The following NEK10 variants were observed in gnomAD, a reference collection of about 807,000 sequenced individuals.
NEK10 encodes NIMA related kinase 10, also known as serine/threonine-protein kinase Nek10.
A neutral mutation model predicts 159.8 loss-of-function variants in NEK10; 122 were observed. That is an observed-to-expected ratio of 0.76 (90% CI 0.66 to 0.89). NEK10 has a LOEUF of 0.89. NEK10 is among the 40% of genes least tolerant of loss of function. NEK10 has a pLI of 0.00. For missense variants in NEK10, 1,342 were observed against 1,323.1 expected (o/e 1.01, Z -0.22); for synonymous variants, 466 against 457.1 (o/e 1.02, Z -0.25).
At chr3:27,140,123 G>A (rs1394224364) in intron 31 of NEK10, among the ~76,000 whole-genome samples, 1 of 152,160 alleles carries the variant, frequency 6.6e-6, no homozygotes. Context: ...GTTGACTAGG[G>A]TGTTCCTGGA....
chr3:27,232,811 A>G (rs1445394444), intron 23 of NEK10, among the ~76,000 whole-genome samples: 1 of 152,094 alleles, frequency 6.6e-6, no homozygotes, highest in Non-Finnish European at 1.5e-5. Flanking sequence ...AAATTGGGGG[A>G]AAGGATACAC....
At chr3:27,215,535 G>A (rs7652855) in intron 23 of NEK10, 288,073 of 456,274 alleles carry the variant, frequency 0.63, 95,776 homozygotes, top group African/African-American at 0.93. Flanking sequence ...TATTTACTCA[G>A]ATGAGTTTTG....
chr3:27,237,542 G>A (rs540277559), intron 23 of NEK10, among the ~76,000 whole-genome samples: 8 of 148,140 alleles, frequency 5.4e-5, no homozygotes, highest in Admixed American at 1.3e-4. Flanking sequence ...CCCTCCGTTC[G>A]GGGTCCCTGA....
chr3:27,130,103 T>C (rs1942438367), intron 32 of NEK10, among the ~76,000 whole-genome samples: 1 of 152,060 alleles, frequency 6.6e-6, no homozygotes, highest in African/African-American at 2.4e-5. Flanking sequence ...CTGTTGATCA[T>C]GAGCCCTAAA....
chr3:27,318,080 G>A (rs995081207), intron 6 of NEK10, among the ~76,000 whole-genome samples: 9 of 152,220 alleles, frequency 5.9e-5, no homozygotes, highest in African/African-American at 2.2e-4. Flanking sequence ...TGGGAGTACA[G>A]GCGTGAGCCA....
At chr3:27,335,568 T>A (rs1383183801) in intron 5 of NEK10, among the ~76,000 whole-genome samples, 1 of 152,136 alleles carries the variant, frequency 6.6e-6, no homozygotes, top group African/African-American at 2.4e-5. Flanking sequence ...ATACAGTTCT[T>A]CTCCTCAGTA....
intron 22 of NEK10, among the ~76,000 whole-genome samples, chr3:27,269,654 AG>A (rs2041180733): frequency 6.6e-6 from 1 of 152,176 alleles, no homozygotes; most frequent in African/African-American, 2.4e-5. Context: ...AAAACCAAAA[AG>A]TTTATATGAC....
intron 23 of NEK10, chr3:27,252,212 C>G (rs764048719): frequency 4.0e-6 from 2 of 504,770 alleles, no homozygotes; most frequent in South Asian, 2.9e-5. Flanking sequence ...AACATAAGGT[C>G]AGGTAGAGGC....
At chr3:27,159,744 T>C (rs1228852078) in intron 30 of NEK10, among the ~76,000 whole-genome samples, 2 of 151,910 alleles carry the variant, frequency 1.3e-5, no homozygotes, top group Non-Finnish European at 2.9e-5. Context: ...AATAGTTTCA[T>C]TGTTATTTGT....
intron 29 of NEK10, among the ~76,000 whole-genome samples, chr3:27,163,599 G>T (rs1946222819): frequency 6.6e-6 from 1 of 151,970 alleles, no homozygotes; most frequent in Non-Finnish European, 1.5e-5. Context: ...TGATCCACCT[G>T]CCTCAGCCTC....
chr3:27,195,174 A>C (rs1252070320), intron 25 of NEK10, among the ~76,000 whole-genome samples: 6 of 152,256 alleles, frequency 3.9e-5, no homozygotes, highest in African/African-American at 1.4e-4. Context: ...AATGATTATA[A>C]TAAACATTTC....
At chr3:27,133,587 C>T (rs1469467521) in intron 31 of NEK10, among the ~76,000 whole-genome samples, 3 of 152,124 alleles carry the variant, frequency 2.0e-5, no homozygotes, top group Non-Finnish European at 4.4e-5. Context: ...CTAGCCTGAC[C>T]AACATGGAGA....
intron 31 of NEK10, 130 bp downstream of exon 31, chr3:27,141,352 C>T: frequency 1.7e-6 from 1 of 595,534 alleles, no homozygotes. Flanking sequence ...CTAAAGTGTC[C>T]CCACATGTAT....
intron 5 of NEK10, among the ~76,000 whole-genome samples, chr3:27,328,444 A>G (rs1397936160): frequency 1.3e-5 from 2 of 152,188 alleles, no homozygotes; most frequent in African/African-American, 4.8e-5. Flanking sequence ...TGAGGGATTG[A>G]TCCATATGGA....
chr3:27,191,468 T>C (rs891773506), intron 26 of NEK10, among the ~76,000 whole-genome samples: 1 of 152,338 alleles, frequency 6.6e-6, no homozygotes, highest in African/African-American at 2.4e-5. Context: ...ATGTGGATAT[T>C]TGTAGCTTTG....
chr3:27,251,852 T>G (rs1244528070), intron 23 of NEK10, among the ~76,000 whole-genome samples: 1 of 152,024 alleles, frequency 6.6e-6, no homozygotes. Flanking sequence ...TTGTAGTAAC[T>G]ATGTAATATA....
intron 29 of NEK10, among the ~76,000 whole-genome samples, chr3:27,163,120 A>AC (rs1194436439): frequency 2.0e-5 from 3 of 151,810 alleles, no homozygotes. Flanking sequence ...AAAAACAAAA[A>AC]AAACCTTATA....
At chr3:27,282,779 AAC>A (rs199637131) in intron 22 of NEK10, among the ~76,000 whole-genome samples, 37,442 of 148,016 alleles carry the variant, frequency 0.25, 4,991 homozygotes, top group Admixed American at 0.35. Context: ...ATAAAATTAA[AAC>A]ACACAATTTA....
At chr3:27,218,227 C>A (rs1951725096) in intron 23 of NEK10, among the ~76,000 whole-genome samples, 1 of 152,208 alleles carries the variant, frequency 6.6e-6, no homozygotes, top group African/African-American at 2.4e-5. Context: ...TTAAAACTTA[C>A]AAATTGTTTA....
Sources: gnomAD v4.1 joint callset for allele counts (sites outside exome capture counted in the v4.1 genomes callset) on GRCh38, gnomAD v4.1.1 for gene constraint, MANE v1.5 for transcripts, NCBI Gene and HGNC (gene_info 2026-07-23, HGNC 2026-07-21) for gene names.